Variants in PTPRD observed in about 807,000 individuals in gnomAD.
The protein encoded by PTPRD is protein tyrosine phosphatase receptor type D, also known as receptor-type tyrosine-protein phosphatase delta.
PTPRD carries 34 observed loss-of-function variants against 214.5 expected under a neutral mutation model. That is an observed-to-expected ratio of 0.16 (90% CI 0.12 to 0.21). The LOEUF is 0.21. Among genes scored for constraint, PTPRD ranks in the 10% least tolerant of loss-of-function variants. The probability of loss-of-function intolerance (pLI) is 1.00; values close to 1 mark genes in which losing one functional copy is unlikely to be tolerated. For synonymous variants in PTPRD, 1,128 were observed against 845.7 expected, an observed-to-expected ratio of 1.33 and a Z score of -5.79; for missense variants, 2,545 against 2,398.7, an observed-to-expected ratio of 1.06 and a Z score of -1.27.
intron 9 of PTPRD, among the ~76,000 whole-genome samples, chr9:9,252,661 T>G (rs1013926416): frequency 1.3e-5 from 2 of 152,018 alleles, no homozygotes; most frequent in Non-Finnish European, 2.9e-5. Context: ...TTTTTATTTT[T>G]GTAGAGTTGT....
At chr9:9,526,522 T>G (rs948663226) in intron 8 of PTPRD, among the ~76,000 whole-genome samples, 1 of 152,196 alleles carries the variant, frequency 6.6e-6, no homozygotes, top group African/African-American at 2.4e-5. Flanking sequence ...GACTAGAGTT[T>G]TTATGCAGAT....
In PTPRD at chr9:9,455,373, T is replaced by C. The variant is rs569056633; in HGVS notation, c.-236-57891A>G. Among the ~76,000 whole-genome samples, 6 of 151,658 alleles carry C rather than the reference T, an allele frequency of 4.0e-5. No individual in the cohort carries two copies. In the East Asian group the frequency reaches 1.2e-3, roughly 29 times the overall value. On this transcript the variant is annotated intron_variant, in intron 8 of 45. Transcript: ENST00000381196. Reference sequence around the variant, plus strand: ...ACACATACAGTGATAATTATGTCTCTCTAGTTTCATTTTGATTTTTATATA... The same window carrying C: ...ACACATACAGTGATAATTATGTCTCCCTAGTTTCATTTTGATTTTTATATA...
chr9:10,317,676 T>C (rs2096467580), intron 3 of PTPRD, among the ~76,000 whole-genome samples: 1 of 152,014 alleles, frequency 6.6e-6, no homozygotes, highest in South Asian at 2.1e-4. Context: ...TTTTTAAATG[T>C]TGCAACCTAT....
In PTPRD at chr9:9,068,898, C is replaced by T. The variant is rs528551612; in HGVS notation, c.-142-50163G>A. On this transcript the variant is annotated intron_variant, in intron 10 of 45. Coordinates refer to ENST00000381196, the MANE Select transcript of PTPRD (RefSeq NM_002839.4). ...GTATTTGGATTACAGGTGTGAGGCA[C>T]GGCTCTCGGCCTACAAAAATTTCTT... Among the ~76,000 whole-genome samples the T allele has an allele frequency of 2.3e-4, 35 of 152,246 alleles. No individual in the cohort carries two copies. In the South Asian group the frequency reaches 3.5e-3, roughly 15 times the overall value.
At chr9:9,605,809 T>C (rs2094116649) in intron 7 of PTPRD, among the ~76,000 whole-genome samples, 1 of 152,066 alleles carries the variant, frequency 6.6e-6, no homozygotes, top group Non-Finnish European at 1.5e-5. Context: ...AATTAAACTT[T>C]CTTGGATTAG....
At chr9:9,897,173 A>T (rs1247911725) in intron 5 of PTPRD, among the ~76,000 whole-genome samples, 5 of 148,352 alleles carry the variant, frequency 3.4e-5, no homozygotes, top group Non-Finnish European at 7.4e-5. Context: ...GCTGCTAAAC[A>T]CCCCCTGGGG....
chr9:9,417,094 A>G (rs570900283), intron 8 of PTPRD, among the ~76,000 whole-genome samples: 1 of 152,208 alleles, frequency 6.6e-6, no homozygotes, highest in East Asian at 1.9e-4. Context: ...GGGTTAATGA[A>G]GCTGTTATCC....
chr9:9,518,685 T>A (rs2096893492), intron 8 of PTPRD, among the ~76,000 whole-genome samples: 1 of 151,988 alleles, frequency 6.6e-6, no homozygotes, highest in African/African-American at 2.4e-5. Flanking sequence ...TTAAATTAAA[T>A]ATGACAGAAT....
chr9:9,074,128 G>A (rs964594955), intron 10 of PTPRD, among the ~76,000 whole-genome samples: 7 of 152,228 alleles, frequency 4.6e-5, no homozygotes, highest in African/African-American at 1.7e-4. Context: ...AAAGCTGAGA[G>A]AAGTTTAAAT....
At chr9:8,347,275 C>T (rs1377298618) in intron 39 of PTPRD, among the ~76,000 whole-genome samples, 1 of 152,108 alleles carries the variant, frequency 6.6e-6, no homozygotes, top group East Asian at 1.9e-4. Context: ...CATCCATTCC[C>T]ACCATCCAGG....
rs1269454837 is a variant in PTPRD at position 8,632,137 on chromosome 9, GTGTGTGTGTGTC to G, written c.352+1168_352+1179del. 5.0e-3 allele frequency among the ~76,000 whole-genome samples: 736 copies of G among 147,672 alleles called. 11 individuals are homozygous for G. The highest frequency in any genetic ancestry group is 0.018 in the African/African-American group (710 of 39,360). On this transcript the variant is annotated intron_variant, in intron 14 of 45. Coordinates refer to ENST00000381196, the MANE Select transcript of PTPRD (RefSeq NM_002839.4). ...ATTGCTTCTTTGTGTGTGTGTGTGT[GTGTGTGTGTGTC>G]TGTGTGTGTGTGTGTTTAGTTTCAA...
At chr9:10,458,632 C>T (rs1034753781) in intron 2 of PTPRD, among the ~76,000 whole-genome samples, 2 of 152,184 alleles carry the variant, frequency 1.3e-5, no homozygotes, top group South Asian at 2.1e-4. Flanking sequence ...ACATCTGGTA[C>T]GAAGCAAAGA....
rs913230413 is a variant in PTPRD, at chr9:10,570,534, G to T, written c.-600+41864C>A. Among the ~76,000 whole-genome samples, 3 of 151,988 alleles carry T rather than the reference G, an allele frequency of 2.0e-5. No homozygotes were observed. In the East Asian group the frequency reaches 5.8e-4, roughly 29 times the overall value. On this transcript the variant is annotated intron_variant, in intron 2 of 45. Coordinates refer to ENST00000381196, the MANE Select transcript of PTPRD (RefSeq NM_002839.4). ...ACCTTATGTAAATTGGAATTCTGAA[G>T]AACTTAGATCAGGTTCTGGAAAAAT...
intron 9 of PTPRD, among the ~76,000 whole-genome samples, chr9:9,237,057 G>A (rs572503386): frequency 2.0e-5 from 3 of 152,260 alleles, no homozygotes; most frequent in Admixed American, 6.5e-5. Flanking sequence ...AAGCTAAAAT[G>A]GAACTGTATA....
intron 12 of PTPRD, among the ~76,000 whole-genome samples, chr9:8,676,983 G>A (rs1053138354): frequency 2.0e-5 from 3 of 152,174 alleles, no homozygotes; most frequent in African/African-American, 7.2e-5. Flanking sequence ...AACGAATAAA[G>A]TGAATATTAA....
At chr9:8,756,758 T>C (rs984445875) in intron 11 of PTPRD, among the ~76,000 whole-genome samples, 5 of 151,878 alleles carry the variant, frequency 3.3e-5, no homozygotes, top group Admixed American at 2.0e-4. Flanking sequence ...TAAATATTAA[T>C]AGGGAAAAAA....
At chr9:8,587,320 T>C (rs1169327772) in intron 14 of PTPRD, among the ~76,000 whole-genome samples, 1 of 152,240 alleles carries the variant, frequency 6.6e-6, no homozygotes, top group Non-Finnish European at 1.5e-5. Context: ...TTTGGATTTA[T>C]TTAGATTTTA....
In PTPRD at chr9:9,109,308, G is replaced by A. The variant is rs1167499710; in HGVS notation, c.-143+73996C>T. Among the ~76,000 whole-genome samples the A allele has an allele frequency of 5.3e-5, 8 of 152,166 alleles. No homozygotes were observed. The East Asian group carries it at 1.4e-3, about 26-fold the overall frequency. ...TGTGCATTTTTCTTTCAGGACTACA[G>A]TAAGGAGAAGGGAAATCTGGGGTGC... On this transcript the variant is annotated intron_variant, in intron 10 of 45. Coordinates refer to ENST00000381196, the MANE Select transcript of PTPRD (RefSeq NM_002839.4).
At chr9:8,437,478 C>T (rs1402308602) in intron 34 of PTPRD, among the ~76,000 whole-genome samples, 2 of 152,136 alleles carry the variant, frequency 1.3e-5, no homozygotes, top group African/African-American at 4.8e-5. Context: ...ATGACATGCA[C>T]CACGACTCAC....
Sources: gnomAD v4.1 joint callset for allele counts (sites outside exome capture counted in the v4.1 genomes callset) on GRCh38, gnomAD v4.1.1 for gene constraint, MANE v1.5 for transcripts, NCBI Gene and HGNC (gene_info 2026-07-23, HGNC 2026-07-21) for gene names.